Variants in KCTD20 observed in about 807,000 individuals in gnomAD.
The protein encoded by KCTD20 is BTB/POZ domain-containing protein KCTD20.
A neutral mutation model predicts 39.6 loss-of-function variants in KCTD20; 30 were observed. That is an observed-to-expected ratio of 0.76 (90% CI 0.57 to 1.03). KCTD20 has a LOEUF of 1.03. KCTD20 is among the 50% of genes least tolerant of loss of function. KCTD20 has a pLI of 0.00. For missense variants in KCTD20, 422 were observed against 522.0 expected (o/e 0.81, Z 1.87); for synonymous variants, 162 against 180.6 (o/e 0.90, Z 0.83).
intron 1 of KCTD20, among the ~76,000 whole-genome samples, chr6:36,445,932 A>G (rs1775027070): frequency 6.6e-6 from 1 of 152,124 alleles, no homozygotes; most frequent in Non-Finnish European, 1.5e-5. Context: ...ACTAATAATA[A>G]GGAACTCTTT....
chr6:36,445,112 A>C (rs572056478), intron 1 of KCTD20, among the ~76,000 whole-genome samples: 1 of 152,160 alleles, frequency 6.6e-6, no homozygotes, highest in Non-Finnish European at 1.5e-5. Flanking sequence ...AAATACAAAA[A>C]TAAGCCAGGC....
Position 36,489,174 on chromosome 6 carries a change from T to C in KCTD20, c.*1999T>C, listed in dbSNP as rs1170885897. On this transcript the variant is annotated 3_prime_UTR_variant, in exon 8 of 8. Coordinates refer to ENST00000373731, the MANE Select transcript of KCTD20 (RefSeq NM_173562.5). ...AAATTTGAATTACCTAGTGTTTGTA[T>C]ATTCCATGATAACTATGTATAACTT... 1 of 152,686 alleles carries C rather than the reference T, an allele frequency of 6.5e-6. No individual in the cohort carries two copies. Among genetic ancestry groups the C allele is most frequent in the African/African-American group, 2.4e-5 (1 of 41,476 alleles). The allele number at this position is 152,686 out of a possible 1,614,324, so 9.5% of individuals were successfully genotyped here. A position where few individuals can be genotyped will look rare whatever the true frequency, so the allele number is the denominator to read the frequency against.
chr6:36,452,388 A>G (rs1775282195), intron 1 of KCTD20, among the ~76,000 whole-genome samples: 3 of 152,144 alleles, frequency 2.0e-5, no homozygotes, highest in East Asian at 1.9e-4. Context: ...TTTCTAAGTC[A>G]GTTTCAATAA....
At chr6:36,475,246 G>A (rs981012214) in intron 3 of KCTD20, among the ~76,000 whole-genome samples, 184 bp downstream of exon 3, 13 of 152,144 alleles carry the variant, frequency 8.5e-5, no homozygotes, top group African/African-American at 3.1e-4. Flanking sequence ...AGGAGTTTGA[G>A]ACCAGCCTGG....
chr6:36,446,026 T>TTTTTTTG (rs1216357598), intron 1 of KCTD20, among the ~76,000 whole-genome samples: 2 of 145,438 alleles, frequency 1.4e-5, no homozygotes, highest in East Asian at 2.0e-4. Flanking sequence ...TGAACTCAGT[T>TTTTTTTG]TTTTTTTTTT....
chr6:36,463,681 G>C (rs1469400251), intron 1 of KCTD20, among the ~76,000 whole-genome samples: 1 of 152,098 alleles, frequency 6.6e-6, no homozygotes, highest in Non-Finnish European at 1.5e-5. Context: ...AGGACGCCTG[G>C]ATGCCATCAT....
rs1775871869 is a variant in KCTD20 at position 36,470,222 on chromosome 6, A to G, written c.125A>G (p.His42Arg). ...AACAGCCTGGCTTCATCTGGTCCTC[A>G]TAATCTTACTTATCCTCTAGGTCCC... Reference protein sequence around the residue: ...EANSLASSGPHNLTYPLGPRN... With the variant: ...EANSLASSGPRNLTYPLGPRN... Residue 42 changes from histidine (H) to arginine (R), a missense_variant, in exon 2 of 8, where the codon CAT becomes CGT. His to Arg is a conservative substitution (Grantham distance 29, BLOSUM62 0). Coordinates refer to ENST00000373731, the MANE Select transcript of KCTD20 (RefSeq NM_173562.5). 1 of 1,613,706 alleles carries G rather than the reference A, an allele frequency of 6.2e-7. No individual in the cohort carries two copies. The highest frequency in any genetic ancestry group is 1.3e-5 in the African/African-American group (1 of 74,926).
At chr6:36,453,279 T>C (rs1434909088) in intron 1 of KCTD20, among the ~76,000 whole-genome samples, 2 of 152,060 alleles carry the variant, frequency 1.3e-5, no homozygotes, top group African/African-American at 4.8e-5. Context: ...CCCAAACTGC[T>C]GGGATTACAG....
chr6:36,448,758 A>G (rs890797559), intron 1 of KCTD20, among the ~76,000 whole-genome samples: 8 of 152,178 alleles, frequency 5.3e-5, no homozygotes, highest in African/African-American at 1.2e-4. Flanking sequence ...GACTTCAAGA[A>G]TGAAGCCGCG....
chr6:36,446,327 C>G (rs536970370), intron 1 of KCTD20, among the ~76,000 whole-genome samples: 8 of 151,774 alleles, frequency 5.3e-5, no homozygotes, highest in Non-Finnish European at 1.2e-4. Flanking sequence ...CATGCCAGGC[C>G]TGAACTCAGT....
At chr6:36,448,013 G>A (rs866109340) in intron 1 of KCTD20, among the ~76,000 whole-genome samples, 6 of 128,938 alleles carry the variant, frequency 4.7e-5, no homozygotes, top group Admixed American at 3.1e-4. Context: ...GTATGTGTGT[G>A]TGTATATATA....
intron 1 of KCTD20, among the ~76,000 whole-genome samples, chr6:36,450,087 C>T (rs1255823407): frequency 6.8e-6 from 1 of 147,272 alleles, no homozygotes; most frequent in Non-Finnish European, 1.5e-5. Context: ...TGGCGTGAAC[C>T]CAGGAGGCGG....
intron 5 of KCTD20, among the ~76,000 whole-genome samples, chr6:36,480,262 A>G (rs933469706): frequency 1.8e-4 from 27 of 152,184 alleles, no homozygotes; most frequent in African/African-American, 6.3e-4. Flanking sequence ...GAGCCTGACC[A>G]GTGGGAGACC....
chr6:36,479,823 G>A (rs1343546043), intron 5 of KCTD20, 112 bp downstream of exon 5: 8 of 816,210 alleles, frequency 9.8e-6, no homozygotes, highest in South Asian at 1.6e-5. Context: ...ACAGAGTCTC[G>A]CTCTGTCGCC....
chr6:36,466,384 CT>C (rs397745312), intron 1 of KCTD20, among the ~76,000 whole-genome samples: 302 of 138,594 alleles, frequency 2.2e-3, no homozygotes, highest in Non-Finnish European at 2.9e-3. Flanking sequence ...CTTTTTTTCT[CT>C]TTTTTTTTTT....
intron 1 of KCTD20, among the ~76,000 whole-genome samples, chr6:36,460,553 C>T (rs1247022017): frequency 1.3e-5 from 2 of 152,216 alleles, no homozygotes; most frequent in Non-Finnish European, 2.9e-5. Flanking sequence ...GATCCGCCCA[C>T]CTCAGCCTCC....
chr6:36,481,122 T>C (rs1277334857), intron 5 of KCTD20, among the ~76,000 whole-genome samples: 1 of 152,226 alleles, frequency 6.6e-6, no homozygotes, highest in East Asian at 1.9e-4. Context: ...TACATGTGAT[T>C]TCTTTACTGA....
rs114740687 is a variant in KCTD20 at position 36,488,012 on chromosome 6, A to G, written c.*837A>G. On this transcript the variant is annotated 3_prime_UTR_variant, in exon 8 of 8. Coordinates refer to ENST00000373731, the MANE Select transcript of KCTD20 (RefSeq NM_173562.5). ...ACTCTGGAGCAGCACATTGCTGTGG[A>G]TATGTCCAGGAGACCTTAGATATGG... 5.5e-4 allele frequency: 84 copies of G among 152,344 alleles called. No homozygotes were observed. Among genetic ancestry groups the G allele is most frequent in the African/African-American group, 2.0e-3 (83 of 41,584 alleles). The allele number at this position is 152,344 out of a possible 1,614,324, so 9.4% of individuals were successfully genotyped here. A position where few individuals can be genotyped will look rare whatever the true frequency, so the allele number is the denominator to read the frequency against.
chr6:36,476,342 T>G (rs2127449534), intron 3 of KCTD20, among the ~76,000 whole-genome samples: 2 of 152,218 alleles, frequency 1.3e-5, no homozygotes, highest in Middle Eastern at 3.4e-3. Context: ...TTCGAATTGA[T>G]CACACTAATT....
Sources: gnomAD v4.1 joint callset for allele counts (sites outside exome capture counted in the v4.1 genomes callset) on GRCh38, gnomAD v4.1.1 for gene constraint, MANE v1.5 for transcripts, NCBI Gene and HGNC (gene_info 2026-07-23, HGNC 2026-07-21) for gene names.